The following ARHGEF7 variants were observed in gnomAD, a reference collection of about 807,000 sequenced individuals.
The protein encoded by ARHGEF7 is Rho guanine nucleotide exchange factor 7.
ARHGEF7 carries 33 observed loss-of-function variants against 109.8 expected under a neutral mutation model. The ratio of observed to expected loss-of-function variants is 0.30; its 90% CI spans 0.23 to 0.40. The LOEUF (loss-of-function observed/expected upper bound fraction) is 0.40. Ranked by LOEUF, ARHGEF7 falls within the 10% of genes least tolerant of loss-of-function variation. The probability of loss-of-function intolerance (pLI) is 1.00; values close to 1 mark genes in which losing one functional copy is unlikely to be tolerated. For missense variants in ARHGEF7, 938 were observed against 1,098.5 expected (o/e 0.85, Z 2.07); for synonymous variants, 458 against 424.6 (o/e 1.08, Z -0.97).
chr13:111,149,524 A>T (rs909446237), intron 1 of ARHGEF7, among the ~76,000 whole-genome samples: 5 of 152,210 alleles, frequency 3.3e-5, no homozygotes, highest in Non-Finnish European at 7.3e-5. Context: ...CTCTGAGGAG[A>T]AATATAGCGT....
chr13:111,146,511 G>T lies in ARHGEF7; in HGVS notation c.166-7394G>T, dbSNP rs75956046. The stretch of plus-strand genomic sequence containing the variant: ...CGCTAGGCTCCTGGGCTGTACTTCA[G>T]ATCTATGCAGAATCAGAATCTCCCT... On this transcript the variant is annotated intron_variant, in intron 1 of 21. Coordinates refer to ENST00000646102, the MANE Select transcript of ARHGEF7 (RefSeq NM_001354046.2). Among the ~76,000 whole-genome samples, 1,308 of 152,320 alleles carry T rather than the reference G, an allele frequency of 8.6e-3. 16 individuals are homozygous for T. The highest frequency in any genetic ancestry group is 0.029 in the African/African-American group (1,195 of 41,564).
At chr13:111,220,819 G>A (rs772252536) in intron 5 of ARHGEF7, among the ~76,000 whole-genome samples, 2 of 151,914 alleles carry the variant, frequency 1.3e-5, no homozygotes, top group Non-Finnish European at 2.9e-5. Context: ...GCGTGTGTGC[G>A]TGCCCGGTTT....
intron 2 of ARHGEF7, 86 bp from the exon 3 acceptor site, chr13:111,205,203 C>G (rs1182446648): frequency 9.9e-6 from 10 of 1,010,178 alleles, no homozygotes; most frequent in African/African-American, 1.6e-5. Context: ...TCAGGCTGAG[C>G]ATCGTCGCGT....
intron 2 of ARHGEF7, among the ~76,000 whole-genome samples, chr13:111,168,874 G>A (rs75709669): frequency 0.014 from 2,151 of 152,326 alleles, 26 homozygotes; most frequent in African/African-American, 0.032. Context: ...AGCCAGGAGT[G>A]TTGGATGACA....
At chr13:111,200,986 A>G (rs1394337101) in intron 2 of ARHGEF7, among the ~76,000 whole-genome samples, 1 of 150,984 alleles carries the variant, frequency 6.6e-6, no homozygotes, top group African/African-American at 2.4e-5. Context: ...CTCGGGGGGG[A>G]TTTCCCTCAG....
chr13:111,261,765 C>G (rs2091115889), intron 8 of ARHGEF7, among the ~76,000 whole-genome samples: 4 of 152,114 alleles, frequency 2.6e-5, no homozygotes, highest in African/African-American at 9.7e-5. Flanking sequence ...ATAATTTTAT[C>G]AAGATTCTTC....
chr13:111,140,918 A>G (rs1594959187), intron 1 of ARHGEF7, among the ~76,000 whole-genome samples: 3 of 152,118 alleles, frequency 2.0e-5, no homozygotes, highest in South Asian at 4.1e-4. Flanking sequence ...GTTTCAAGTG[A>G]TTCTCCTGCT....
At position 111,272,851 on chromosome 13, in the gene ARHGEF7, C is replaced by T. The variant is rs9560025; in HGVS notation, c.1074-963C>T. 0.35 allele frequency among the ~76,000 whole-genome samples: 53,511 copies of T among 151,860 alleles called. 10,191 individuals carry two copies. Among genetic ancestry groups the T allele is most frequent in the East Asian group, 0.75 (3,889 of 5,152 alleles). On this transcript the variant is annotated intron_variant, in intron 9 of 21. Transcript: ENST00000646102. This position sits in a 1 kb window ranked among gnomAD's most constrained non-coding sequence, Gnocchi z 5.2. ...AGAGATCGCCAGTGAAGGGGTGTTG[C>T]GGTCAGGTGACTGTCAGCCTTAACA...
chr13:111,143,700 G>A (rs1046749542), intron 1 of ARHGEF7: 23 of 152,160 alleles, frequency 1.5e-4, no homozygotes, highest in Admixed American at 1.2e-3. Context: ...GATTCTTCAA[G>A]GGCACATGGA....
chr13:111,145,850 G>C lies in ARHGEF7; in HGVS notation c.166-8055G>C, dbSNP rs975696673. On this transcript the variant is annotated intron_variant, in intron 1 of 21. Transcript: ENST00000646102. The surrounding 1 kb of genome is among the most constrained non-coding windows in gnomAD (Gnocchi z 4.3). ...TGACATTTCAGCTGTCTGAGTCCCT[G>C]TTTTCTCATCTGTAAAATACCAGAA... Among the ~76,000 whole-genome samples the C allele has an allele frequency of 6.6e-6, 1 of 152,208 alleles. No individual in the cohort carries two copies. The highest frequency in any genetic ancestry group is 2.4e-5 in the African/African-American group (1 of 41,452).
chr13:111,146,216 G>GA (rs539260745), intron 1 of ARHGEF7, among the ~76,000 whole-genome samples: 205 of 152,138 alleles, frequency 1.3e-3, no homozygotes, highest in Middle Eastern at 3.4e-3. Flanking sequence ...CTCCAAGTAG[G>GA]AAAAAAACAG....
At chr13:111,153,533 G>A (rs972885211) in intron 1 of ARHGEF7, 8 of 800,778 alleles carry the variant, frequency 1.0e-5, no homozygotes, top group African/African-American at 3.7e-5. Context: ...CACTGGGCCA[G>A]AGGAGGTGGC....
chr13:111,206,222 T>C lies in ARHGEF7; in HGVS notation c.337+849T>C, dbSNP rs369939941. Among the ~76,000 whole-genome samples the C allele has an allele frequency of 4.6e-5, 7 of 151,484 alleles. No homozygotes were observed. In the South Asian group the frequency reaches 8.5e-4, roughly 18 times the overall value. ...GTCGGGGTCGCTTCTCAGCTTCGTC[T>C]GGCCCTTCAGAGGGGGGGGTGTACT... On this transcript the variant is annotated intron_variant, in intron 3 of 21. Transcript: ENST00000646102.
rs973261749 is a variant in ARHGEF7 at position 111,280,558 on chromosome 13, T to C, written c.1606T>C (p.Leu536=). 1.2e-6 allele frequency: 2 copies of C among 1,609,434 alleles called. No individual in the cohort carries two copies. The highest frequency in any genetic ancestry group is 2.2e-5 in the East Asian group (1 of 44,838). ...EISGSMIERI[L]VSCNNQQDLQ... ...TATAGGGAGCATGATTGAGCGGATA[T>C]TAGTGTCGTGCAACAACCAGCAGGA... The change falls in exon 15 of 22, where the codon TTA becomes CTA. Residue 536 remains leucine, a synonymous_variant. Transcript: ENST00000646102.
At chr13:111,155,851 G>A (rs2076276933) in intron 2 of ARHGEF7, among the ~76,000 whole-genome samples, 1 of 152,136 alleles carries the variant, frequency 6.6e-6, no homozygotes, top group African/African-American at 2.4e-5. Context: ...CGAGGCGGGT[G>A]GATCACATGA....
chr13:111,136,291 AT>A lies in ARHGEF7; in HGVS notation c.166-17612del, dbSNP rs2075083493. On this transcript the variant is annotated intron_variant, in intron 1 of 21. Coordinates refer to ENST00000646102, the MANE Select transcript of ARHGEF7 (RefSeq NM_001354046.2). ...TCCACCCCAAATCAACAGAATATAC[AT>A]TCTTCTCAGCACCACATCACACCTA... Among the ~76,000 whole-genome samples, 3 of 152,252 alleles carry A rather than the reference AT, an allele frequency of 2.0e-5. No homozygotes were observed. In the South Asian group the frequency reaches 6.2e-4, roughly 32 times the overall value.
intron 1 of ARHGEF7, chr13:111,143,496 G>C (rs2075444555): frequency 1.3e-5 from 2 of 152,248 alleles, no homozygotes; most frequent in South Asian, 2.1e-4. Flanking sequence ...AGCTTAACAA[G>C]AAAGTGATGG....
intron 1 of ARHGEF7, among the ~76,000 whole-genome samples, chr13:111,146,213 T>C (rs1381199375): frequency 6.6e-6 from 1 of 152,044 alleles, no homozygotes; most frequent in East Asian, 1.9e-4. Context: ...ATTCTCCAAG[T>C]AGGAAAAAAA....
chr13:111,125,305 G>T (rs2153329141), intron 1 of ARHGEF7, among the ~76,000 whole-genome samples: 1 of 151,816 alleles, frequency 6.6e-6, no homozygotes, highest in Admixed American at 6.6e-5. Context: ...AACAAAACTG[G>T]AAGCTGGTTA....
Sources: gnomAD v4.1 joint callset for allele counts (sites outside exome capture counted in the v4.1 genomes callset) on GRCh38, gnomAD v4.1.1 for gene constraint, Gnocchi (gnomAD v3.1) non-coding constraint, MANE v1.5 for transcripts, NCBI Gene and HGNC (gene_info 2026-07-23, HGNC 2026-07-21) for gene names.